The following SPATA13 variants were observed in gnomAD, a reference collection of about 807,000 sequenced individuals.
The protein encoded by SPATA13 is spermatogenesis-associated protein 13.
A neutral mutation model predicts 104.0 loss-of-function variants in SPATA13; 50 were observed. The observed-to-expected ratio is 0.48, with a 90% CI of 0.38 to 0.61. SPATA13 has a LOEUF of 0.61. SPATA13 is among the 20% of genes least tolerant of loss of function. The pLI is 0.00. For missense variants in SPATA13, 1,524 were observed against 1,690.6 expected, an observed-to-expected ratio of 0.90 and a Z score of 1.73; for synonymous variants, 606 against 667.5, an observed-to-expected ratio of 0.91 and a Z score of 1.42.
intron 2 of SPATA13, among the ~76,000 whole-genome samples, chr13:24,236,174 C>T (rs1257727296): frequency 6.6e-6 from 1 of 152,188 alleles, no homozygotes; most frequent in Non-Finnish European, 1.5e-5. Context: ...TTATTAGCCT[C>T]CTCATCTCTT....
At chr13:24,221,327 A>G (rs1215184426) in intron 1 of SPATA13, among the ~76,000 whole-genome samples, 2 of 152,230 alleles carry the variant, frequency 1.3e-5, no homozygotes, top group Non-Finnish European at 2.9e-5. Context: ...GGCCTGACAT[A>G]TAGTAAGTAC....
At chr13:24,284,006 A>T in intron 4 of SPATA13, 129 bp from the exon 5 acceptor site, 1 of 907,566 alleles carries the variant, frequency 1.1e-6, no homozygotes, top group Non-Finnish European at 1.6e-6. Flanking sequence ...ATTTTCTAAT[A>T]GTTTCTTATT....
intron 3 of SPATA13, among the ~76,000 whole-genome samples, chr13:24,250,783 G>C (rs1443763252): frequency 6.6e-6 from 1 of 152,192 alleles, no homozygotes. Context: ...AGAACCTTTT[G>C]TCTGAAGGTG....
At chr13:24,208,078 C>T (rs897358572) in intron 1 of SPATA13, among the ~76,000 whole-genome samples, 4 of 152,178 alleles carry the variant, frequency 2.6e-5, no homozygotes, top group African/African-American at 9.7e-5. Flanking sequence ...AGGGAAGGGA[C>T]GAGCCTTGTT....
intron 3 of SPATA13, among the ~76,000 whole-genome samples, chr13:24,125,366 T>C (rs552352020): frequency 2.6e-5 from 4 of 152,132 alleles, no homozygotes; most frequent in African/African-American, 7.2e-5. Context: ...AAAAGAAACT[T>C]AGGACATTTC....
At chr13:24,272,263 C>T (rs896825286) in intron 4 of SPATA13, among the ~76,000 whole-genome samples, 15 of 152,282 alleles carry the variant, frequency 9.9e-5, no homozygotes, top group Admixed American at 5.2e-4. Context: ...CCCGACCCAG[C>T]CTCCAGCTCT....
chr13:24,169,256 A>G (rs1428173015), intron 1 of SPATA13, among the ~76,000 whole-genome samples: 2 of 152,110 alleles, frequency 1.3e-5, no homozygotes, highest in African/African-American at 4.8e-5. Context: ...TGGAACACGA[A>G]TGGTGTGCTT....
intron 3 of SPATA13, among the ~76,000 whole-genome samples, chr13:24,043,178 G>A (rs149818509): frequency 6.6e-6 from 1 of 152,292 alleles, no homozygotes; most frequent in African/African-American, 2.4e-5. Flanking sequence ...CGCCTCTCTG[G>A]CTTGGTGGTT....
At chr13:24,038,036 C>T (rs529673241) in intron 3 of SPATA13, among the ~76,000 whole-genome samples, 131 of 151,986 alleles carry the variant, frequency 8.6e-4, no homozygotes, top group Admixed American at 1.2e-3. Flanking sequence ...CTCAGCCTCC[C>T]GAGTAGCTGG....
intron 5 of SPATA13, among the ~76,000 whole-genome samples, chr13:24,285,184 G>A (rs769544424): frequency 6.6e-6 from 1 of 152,182 alleles, no homozygotes; most frequent in South Asian, 2.1e-4. Flanking sequence ...AGGGGATGGA[G>A]GAGCCACATC....
chr13:24,262,363 G>T (rs1210748471), intron 4 of SPATA13, among the ~76,000 whole-genome samples: 37 of 142,404 alleles, frequency 2.6e-4, no homozygotes, highest in African/African-American at 9.6e-4. Context: ...CTAATTTGTT[G>T]GAATAACAAA....
rs530742187 is a variant in SPATA13 at position 24,167,158 on chromosome 13, A to G, written c.-112+6226A>G. ...ACTGTCATAGGTGAGGATTCCATGAATTGATCCTTGTAAAATGCCAGAGTG... is the reference window on the plus strand; with the variant it reads ...ACTGTCATAGGTGAGGATTCCATGAGTTGATCCTTGTAAAATGCCAGAGTG... On this transcript the variant is annotated intron_variant, in intron 1 of 12. Transcript: ENST00000382108. Among the ~76,000 whole-genome samples, 3 of 152,264 alleles carry G rather than the reference A, an allele frequency of 2.0e-5. No individual in the cohort carries two copies. In the South Asian group the frequency reaches 6.2e-4, roughly 32 times the overall value.
intron 3 of SPATA13, among the ~76,000 whole-genome samples, chr13:24,154,297 A>G (rs536802208): frequency 6.6e-6 from 1 of 152,356 alleles, no homozygotes; most frequent in African/African-American, 2.4e-5. Context: ...ATTGTCCATC[A>G]ACAATAGAAT....
chr13:24,099,085 T>C (rs34057898), intron 3 of SPATA13, among the ~76,000 whole-genome samples: 33 of 152,266 alleles, frequency 2.2e-4, no homozygotes, highest in African/African-American at 7.9e-4. Context: ...ATCCTGTCTC[T>C]AAGAAATTTA....
intron 4 of SPATA13, chr13:24,272,585 G>C (rs1184854569): frequency 6.6e-6 from 1 of 152,248 alleles, no homozygotes; most frequent in Non-Finnish European, 1.5e-5. Flanking sequence ...CTGCCTAGTG[G>C]CTCCCAGGAG....
At chr13:24,250,734 G>A (rs1270834599) in intron 3 of SPATA13, among the ~76,000 whole-genome samples, 1 of 152,160 alleles carries the variant, frequency 6.6e-6, no homozygotes, top group Non-Finnish European at 1.5e-5. Flanking sequence ...GATTTCTTAA[G>A]GTTAAAAAAT....
chr13:24,083,538 G>A (rs897420588), intron 3 of SPATA13, among the ~76,000 whole-genome samples: 1 of 152,224 alleles, frequency 6.6e-6, no homozygotes, highest in Non-Finnish European at 1.5e-5. Context: ...GTTGAAGGTG[G>A]TTGGAGGTTT....
In SPATA13 at chr13:24,038,657, G is replaced by A. The variant is rs575031007; in HGVS notation, c.-112+20956G>A. Among the ~76,000 whole-genome samples, 5 of 152,258 alleles carry A rather than the reference G, an allele frequency of 3.3e-5. No homozygotes were observed. The South Asian group carries it at 1.0e-3, about 32-fold the overall frequency. On this transcript the variant is annotated intron_variant, in intron 3 of 14. Transcript: ENST00000424834. The stretch of plus-strand genomic sequence containing the variant: ...TCAGCTCTGCCATTGCTGCGCGAAT[G>A]CAGCCACAAACAGGAAAGTGAGTTG...
intron 3 of SPATA13, among the ~76,000 whole-genome samples, chr13:24,112,738 C>T (rs1313418320): frequency 6.6e-6 from 1 of 152,228 alleles, no homozygotes; most frequent in Non-Finnish European, 1.5e-5. Context: ...GTTCTCTGTT[C>T]TCTGCCTTCA....
Sources: allele counts gnomAD v4.1 joint callset (sites outside exome capture counted in the v4.1 genomes callset), GRCh38; gene constraint gnomAD v4.1.1; transcripts MANE v1.5; gene names NCBI Gene and HGNC (gene_info 2026-07-23, HGNC 2026-07-21).